The following CD82 variants were observed in gnomAD, a reference collection of about 807,000 sequenced individuals.
CD82 encodes CD82 molecule.
Under a neutral mutation model 37.4 loss-of-function variants are expected in CD82, and 36 were observed. The observed-to-expected ratio is 0.96, with a 90% CI of 0.74 to 1.27. The LOEUF (loss-of-function observed/expected upper bound fraction) is 1.27. Ranked by LOEUF, CD82 falls within the 50% of genes most tolerant of loss-of-function variation. The pLI is 0.00. For missense variants in CD82, 340 were observed against 347.0 expected (o/e 0.98, Z 0.16); for synonymous variants, 158 against 137.4 (o/e 1.15, Z -1.05).
intron 2 of CD82, among the ~76,000 whole-genome samples, chr11:44,590,616 A>AAAAAAAAAAAAAAAAAAAAAAAAC (rs1853130520): frequency 6.8e-6 from 1 of 147,532 alleles, no homozygotes; most frequent in African/African-American, 2.6e-5. Flanking sequence ...GTCTCAAAAA[A>AAAAAAAAAAAAAAAAAAAAAAAAC]AAAAAAAAAA....
intron 1 of CD82, among the ~76,000 whole-genome samples, chr11:44,575,407 G>A (rs553972090): frequency 6.6e-6 from 1 of 152,334 alleles, no homozygotes; most frequent in East Asian, 1.9e-4. Flanking sequence ...GTCAGTGGGG[G>A]AAAGTTTCTC....
intron 1 of CD82, among the ~76,000 whole-genome samples, chr11:44,573,503 C>A (rs1453261718): frequency 6.6e-6 from 1 of 152,152 alleles, no homozygotes; most frequent in African/African-American, 2.4e-5. Flanking sequence ...CTCCCTGACC[C>A]CTGGCCTTTC....
rs953898586 is a variant in CD82, at chr11:44,594,822, T to C, written c.63+97T>C. ...TTTCCAGAGCCGACCGGGCCGGGGA[T>C]TGGGGGGATTTGGTGGGTAGGGACT... On this transcript the variant is annotated intron_variant, in intron 3 of 9. Coordinates refer to ENST00000227155, the MANE Select transcript of CD82 (RefSeq NM_002231.4). 7.6e-5 allele frequency: 75 copies of C among 993,248 alleles called. No individual in the cohort carries two copies. The Middle Eastern group carries it at 1.0e-3, about 14-fold the overall frequency. The allele number at this position is 993,248 out of a possible 1,614,324, so 61.5% of individuals were successfully genotyped here.
rs1446781865 is a variant in CD82 at position 44,594,843 on chromosome 11, G to A, written c.63+118G>A. 6.2e-6 allele frequency: 5 copies of A among 803,246 alleles called. No individual in the cohort carries two copies. In the African/African-American group the frequency reaches 8.4e-5, roughly 13 times the overall value. The allele number at this position is 803,246 out of a possible 1,614,324, so 49.8% of individuals were successfully genotyped here. ...GGGATTGGGGGGATTTGGTGGGTAG[G>A]GACTGAGGACGAACTATCTCCAACG... is the stretch of plus-strand genomic sequence containing the variant. On this transcript the variant is annotated intron_variant, in intron 3 of 9. Transcript: ENST00000227155.
intron 4 of CD82, among the ~76,000 whole-genome samples, chr11:44,601,753 C>T (rs1853312955): frequency 1.3e-5 from 2 of 152,138 alleles, no homozygotes; most frequent in Admixed American, 1.3e-4. Flanking sequence ...TTGGCCCGAG[C>T]CCCACCCACC....
At chr11:44,565,584 G>A (rs1343721681), upstream of CD82, 1 of 152,288 alleles carries the variant, frequency 6.6e-6, no homozygotes, top group Non-Finnish European at 1.5e-5. Context: ...GTGTCTTCTG[G>A]GGGCGGGGCC....
intron 1 of CD82, among the ~76,000 whole-genome samples, chr11:44,579,949 A>T (rs10769060): frequency 0.42 from 63,604 of 151,900 alleles, 14,423 homozygotes; most frequent in East Asian, 0.81. Context: ...TGTTAAAGGG[A>T]GAGACTTGGA....
intron 6 of CD82, chr11:44,608,210 T>C (rs1012498119): frequency 1.3e-5 from 2 of 152,184 alleles, no homozygotes; most frequent in African/African-American, 4.8e-5. Flanking sequence ...GTGGGACTTG[T>C]TTGAACCTAA....
At chr11:44,581,219 C>T (rs1852974314) in intron 1 of CD82, among the ~76,000 whole-genome samples, 1 of 152,184 alleles carries the variant, frequency 6.6e-6, no homozygotes, top group Non-Finnish European at 1.5e-5. Context: ...CTGCAGGCAG[C>T]ATGGTGTGAC....
At chr11:44,605,539 G>A in intron 6 of CD82, 110 bp downstream of exon 6, 1 of 987,508 alleles carries the variant, frequency 1.0e-6, no homozygotes, top group Non-Finnish European at 1.6e-6. Context: ...GACAGATCCA[G>A]TAGGTGTCAG....
chr11:44,594,102 G>A (rs1853185500), intron 2 of CD82, among the ~76,000 whole-genome samples: 1 of 152,052 alleles, frequency 6.6e-6, no homozygotes. Flanking sequence ...GTATTTGTTG[G>A]GTGTTCTACA....
At chr11:44,574,489 A>G (rs928008114) in intron 1 of CD82, among the ~76,000 whole-genome samples, 18 of 152,220 alleles carry the variant, frequency 1.2e-4, no homozygotes, top group African/African-American at 4.3e-4. Context: ...CTTGTAGCAG[A>G]AGACCCCAGG....
chr11:44,569,499 C>G (rs1427216972), intron 1 of CD82, among the ~76,000 whole-genome samples: 1 of 152,142 alleles, frequency 6.6e-6, no homozygotes, highest in Non-Finnish European at 1.5e-5. Flanking sequence ...TTCCTTCTCT[C>G]TGGGATTCCT....
At chr11:44,567,310 G>GTACA (rs1852749953) in intron 1 of CD82, among the ~76,000 whole-genome samples, 1 of 152,178 alleles carries the variant, frequency 6.6e-6, no homozygotes, top group Admixed American at 6.5e-5. Flanking sequence ...GAGATAAGCT[G>GTACA]TACAGTATGG....
intron 3 of CD82, among the ~76,000 whole-genome samples, chr11:44,595,589 AGAG>A (rs1422876965): frequency 6.6e-6 from 1 of 152,110 alleles, no homozygotes; most frequent in Non-Finnish European, 1.5e-5. Context: ...AGTATTTTTG[AGAG>A]GAGAAGAAAA....
chr11:44,604,133 G>A (rs751885955), intron 4 of CD82, among the ~76,000 whole-genome samples: 21 of 152,040 alleles, frequency 1.4e-4, no homozygotes, highest in South Asian at 4.1e-4. Context: ...TCTTCATGGC[G>A]CCCAACACAA....
At chr11:44,578,297 G>A (rs1852928533) in intron 1 of CD82, among the ~76,000 whole-genome samples, 1 of 152,190 alleles carries the variant, frequency 6.6e-6, no homozygotes. Flanking sequence ...CTCTCTCTGA[G>A]CTCCTATATT....
At chr11:44,576,615 ACCGGGAGAC>A (rs537897961) in intron 1 of CD82, among the ~76,000 whole-genome samples, 191 of 152,300 alleles carry the variant, frequency 1.3e-3, no homozygotes, top group African/African-American at 4.4e-3. Flanking sequence ...CTGGCTGGTC[ACCGGGAGAC>A]CCCTTTCAAA....
Position 44,594,743 on chromosome 11 carries a change from C to A in CD82, c.63+18C>A. The A allele has an allele frequency of 6.2e-7, 1 of 1,601,276 alleles. No individual in the cohort carries two copies. ...TCTTCTTTGTAAGTATGTCCCATGC[C>A]GTCCTGACCACCTCCGAAAAGATTC... On this transcript the variant is annotated intron_variant, in intron 3 of 9. Transcript: ENST00000227155.
Sources: gnomAD v4.1 joint callset for allele counts (sites outside exome capture counted in the v4.1 genomes callset) on GRCh38, gnomAD v4.1.1 for gene constraint, MANE v1.5 for transcripts, NCBI Gene and HGNC (gene_info 2026-07-23, HGNC 2026-07-21) for gene names.